Variants in TNRC18 observed in about 807,000 individuals in gnomAD.
TNRC18 encodes trinucleotide repeat-containing gene 18 protein.
In TNRC18, 69 loss-of-function variants were observed where a neutral mutation model predicts 226.7. The ratio of observed to expected loss-of-function variants is 0.30; its 90% confidence interval spans 0.25 to 0.37. The LOEUF (loss-of-function observed/expected upper bound fraction) is 0.37. TNRC18 is among the 10% of genes least tolerant of loss of function. The pLI, the probability that TNRC18 is intolerant of heterozygous loss-of-function variation, is 1.00. For missense variants in TNRC18, 4,754 were observed against 4,256.6 expected (o/e 1.12, Z -3.25); for synonymous variants, 2,449 against 1,927.6 (o/e 1.27, Z -7.09).
intron 9 of TNRC18, among the ~76,000 whole-genome samples, chr7:5,374,780 C>T (rs1407371710): frequency 5.9e-5 from 9 of 152,358 alleles, no homozygotes; most frequent in Non-Finnish European, 1.0e-4. Context: ...CGGCCCTGCA[C>T]GGACCCTCAC....
At position 5,332,777 on chromosome 7, in the gene TNRC18, G is replaced by A. The variant is rs750697395; in HGVS notation, c.5992C>T (p.Arg1998Cys). ...TCGTGCAGGAAGATGCGCTCGCTGC[G>A]GCGCCGCGTCCACAGGTCGTCGTCG... Reference protein sequence around the residue: ...ASDDDLWTRRRSERIFLHDAS... With the variant: ...ASDDDLWTRRCSERIFLHDAS... Residue 1998 changes from arginine to cysteine, a missense_variant, in exon 19 of 30, where the codon CGC (arginine) becomes TGC (cysteine). Physicochemically the swap from Arg to Cys is radical, Grantham distance 180. Coordinates refer to ENST00000430969, the MANE Select transcript of TNRC18 (RefSeq NM_001080495.3). 1 of 1,514,282 alleles carries A rather than the reference G, an allele frequency of 6.6e-7. No homozygotes were observed. The highest frequency in any genetic ancestry group is 1.2e-5 in the South Asian group (1 of 82,238). 93.8% of individuals were successfully genotyped at this position (1,514,282 alleles called of 1,614,324 possible).
chr7:5,313,196 A>ACTGCTGCCC lies in TNRC18; in HGVS notation c.7694_7695insGGGCAGCAG (p.Ser2564_Ser2565insArgGlySer). ...TGCTGCTGCTGCTGCTACTGCTGCC[A>ACTGCTGCCC]CTACTGCTGCTGCTGCTGCTCTCGG... On this transcript the variant is annotated inframe_insertion, in exon 27 of 30. Transcript: ENST00000430969. The ACTGCTGCCC allele has an allele frequency of 6.5e-7, 1 of 1,535,716 alleles. No individual in the cohort carries two copies. The highest frequency in any genetic ancestry group is 2.4e-5 in the East Asian group (1 of 40,872).
In TNRC18 at chr7:5,312,567, C is replaced by T; in HGVS notation, c.8324G>A (p.Arg2775Gln). ...KRQRLPSVENRPKIAAFLPAR... is the reference protein window; with the variant it reads ...KRQRLPSVENQPKIAAFLPAR... ...TGGCAGGAAGGCGGCGATCTTGGGC[C>T]GGTTCTCCACGGACGGCAGGCGCTG... The change falls in exon 27 of 30, where the codon CGG becomes CAG. Residue 2775 changes from arginine (R) to glutamine (Q), a missense_variant. Coordinates refer to ENST00000430969, the MANE Select transcript of TNRC18 (RefSeq NM_001080495.3). The surrounding 1 kb of genome is among the most constrained non-coding windows in gnomAD (Gnocchi z 6.3). 6.2e-7 allele frequency: 1 copy of T among 1,611,292 alleles called. No individual in the cohort carries two copies. Among genetic ancestry groups the T allele is most frequent in the Non-Finnish European group, 8.5e-7 (1 of 1,179,376 alleles).
intron 2 of TNRC18, chr7:5,420,845 C>T (rs565621557): frequency 1.8e-5 from 13 of 732,458 alleles, no homozygotes; most frequent in African/African-American, 1.7e-4. Flanking sequence ...GAGGGCCAAG[C>T]ACGCTACGGA....
Position 5,376,901 on chromosome 7 carries a change from C to T in TNRC18, c.2554G>A (p.Asp852Asn), listed in dbSNP as rs536413848. The change falls in exon 8 of 30, where the codon GAC becomes AAC. Residue 852 changes from aspartate (D) to asparagine (N), a missense_variant. Asp to Asn is a conservative substitution (Grantham distance 23). Coordinates refer to ENST00000430969, the MANE Select transcript of TNRC18 (RefSeq NM_001080495.3). ...ACCACCAGCTGGCCCGATTGGGGGT[C>T]CCTGACAAACTGGTAGGCTGACGGG... Reference protein sequence around the residue: ...SLPSAYQFVRDPQSGQLVVIP... With the variant: ...SLPSAYQFVRNPQSGQLVVIP... 2.0e-4 allele frequency: 316 copies of T among 1,610,100 alleles called. 3 individuals carry two copies. The South Asian group carries it at 3.2e-3, about 16-fold the overall frequency.
At chr7:5,404,149 G>A (rs775830759) in intron 2 of TNRC18, among the ~76,000 whole-genome samples, 4 of 152,206 alleles carry the variant, frequency 2.6e-5, no homozygotes, top group Non-Finnish European at 5.9e-5. Context: ...AAGGCGGTTC[G>A]ATCACAAGGT....
chr7:5,421,030 G>A (rs990140283), intron 2 of TNRC18, 30 bp downstream of exon 2: 8 of 1,536,200 alleles, frequency 5.2e-6, no homozygotes, highest in African/African-American at 1.4e-5. Flanking sequence ...GGGAAGACAG[G>A]AGGGGACGGG....
In TNRC18 at chr7:5,376,595, G is replaced by T. The variant is rs147140473; in HGVS notation, c.2608+252C>A. Among the ~76,000 whole-genome samples the T allele has an allele frequency of 2.0e-5, 3 of 152,284 alleles. No homozygotes were observed. The East Asian group carries it at 5.8e-4, about 29-fold the overall frequency. On this transcript the variant is annotated intron_variant, in intron 8 of 29. Transcript: ENST00000430969. ...TGGGGAGGCGGTGGCGCCAGGTAAGGGGAATCCCAGCCCCCACCCAGGGCT... is the reference window on the plus strand; with the variant it reads ...TGGGGAGGCGGTGGCGCCAGGTAAGTGGAATCCCAGCCCCCACCCAGGGCT...
At chr7:5,423,067 TAAATGGAGTTA>T (rs1452006718) in intron 1 of TNRC18, 1 of 152,202 alleles carries the variant, frequency 6.6e-6, no homozygotes, top group African/African-American at 2.4e-5. Flanking sequence ...CTCCCCCTCT[TAAATGGAGTTA>T]AAATGGCTGA....
At chr7:5,340,504 A>C (rs779462756) in intron 18 of TNRC18, among the ~76,000 whole-genome samples, 3 of 152,152 alleles carry the variant, frequency 2.0e-5, no homozygotes, top group Non-Finnish European at 4.4e-5. Context: ...TGGGAGGCCG[A>C]GGCGAGAGGA....
rs150181832 is a variant in TNRC18, at chr7:5,371,893, A to C, written c.3230-529T>G. ...CAAGACCAGCCTGAGCAACAGAGTG[A>C]GACCCCATTTCCTTTTTTTTTGAGA... On this transcript the variant is annotated intron_variant, in intron 10 of 29. Transcript: ENST00000430969. Among the ~76,000 whole-genome samples, 146 of 152,280 alleles carry C rather than the reference A, an allele frequency of 9.6e-4. 2 individuals carry two copies. Among genetic ancestry groups the C allele is most frequent in the Middle Eastern group, 3.4e-3 (1 of 294 alleles).
chr7:5,359,268 C>T, intron 15 of TNRC18, 130 bp downstream of exon 15: 3 of 946,044 alleles, frequency 3.2e-6, no homozygotes, highest in Non-Finnish European at 4.9e-6. Flanking sequence ...GTCATTCCGG[C>T]ATTGAAGACA....
Position 5,309,240 on chromosome 7 carries a change from G to A in TNRC18, c.8517C>T (p.Gly2839=). 6.2e-7 allele frequency: 1 copy of A among 1,613,868 alleles called. No homozygotes were observed. The stretch of plus-strand genomic sequence containing the variant: ...ACGACTCCCACATGCTCTGGATGCG[G>A]CCGATGTAGGGCAGGTTGGGGCGGC... The part of the protein sequence containing the change: ...SAGRPNLPYI[G]RIQSMWESWG... Residue 2839 remains glycine, a synonymous_variant, in exon 28 of 30, where the codon GGC becomes GGT. Transcript: ENST00000430969. This position sits in a 1 kb window ranked among gnomAD's most constrained non-coding sequence, Gnocchi z 5.7.
At chr7:5,318,033 A>C (rs183900369) in intron 24 of TNRC18, among the ~76,000 whole-genome samples, 1,942 of 152,004 alleles carry the variant, frequency 0.013, 41 homozygotes, top group African/African-American at 0.044. Context: ...CACCACGCCC[A>C]GCTTATTTTT....
intron 2 of TNRC18, among the ~76,000 whole-genome samples, chr7:5,415,369 C>CTTTTTTTTT (rs368389351): frequency 1.2e-5 from 1 of 83,094 alleles, no homozygotes; most frequent in Non-Finnish European, 2.2e-5. Context: ...CTGTGTCCCT[C>CTTTTTTTTT]TTTTTTTTTT....
In TNRC18 at chr7:5,377,217, G is replaced by A. The variant is rs560745024; in HGVS notation, c.2461+154C>T. On this transcript the variant is annotated intron_variant, in intron 7 of 29. Transcript: ENST00000430969. This position sits in a 1 kb window ranked among gnomAD's most constrained non-coding sequence, Gnocchi z 5.8. The stretch of plus-strand genomic sequence containing the variant: ...TGGCAGAGGGGCCCCACGAGGCAGA[G>A]GCCATTATCATTCCTTCTTCCGACG... 6.6e-6 allele frequency among the ~76,000 whole-genome samples: 1 copy of A among 152,358 alleles called. No homozygotes were observed. Among genetic ancestry groups the A allele is most frequent in the South Asian group, 2.1e-4 (1 of 4,834 alleles).
chr7:5,363,644 C>T (rs994886854), intron 11 of TNRC18, among the ~76,000 whole-genome samples: 3 of 152,064 alleles, frequency 2.0e-5, no homozygotes, highest in Admixed American at 6.6e-5. Flanking sequence ...GAAGGCAGCA[C>T]GCCTGGCACA....
chr7:5,391,964 T>C (rs1004380722), intron 3 of TNRC18, among the ~76,000 whole-genome samples: 1 of 151,560 alleles, frequency 6.6e-6, no homozygotes, highest in Non-Finnish European at 1.5e-5. Context: ...CCCAGAGTCC[T>C]ATGGGATCCC....
chr7:5,380,001 T>C lies in TNRC18; in HGVS notation c.2153-1977A>G, dbSNP rs763506487. Among the ~76,000 whole-genome samples the C allele has an allele frequency of 2.4e-4, 37 of 152,288 alleles. 1 individual carries two copies. The highest frequency in any genetic ancestry group is 3.3e-4 in the Admixed American group (5 of 15,296). Reference sequence around the variant, plus strand: ...AGCCGCCAGCACAGAGAAACTATCCTTCTGCTGGAGACAAGGTCCCCACCC... The same window carrying C: ...AGCCGCCAGCACAGAGAAACTATCCCTCTGCTGGAGACAAGGTCCCCACCC... On this transcript the variant is annotated intron_variant, in intron 5 of 29. Coordinates refer to ENST00000430969, the MANE Select transcript of TNRC18 (RefSeq NM_001080495.3).
Sources: allele counts gnomAD v4.1 joint callset (sites outside exome capture counted in the v4.1 genomes callset), GRCh38; gene constraint gnomAD v4.1.1; non-coding constraint Gnocchi (gnomAD v3.1); transcripts MANE v1.5; gene names NCBI Gene and HGNC (gene_info 2026-07-23, HGNC 2026-07-21).